The following NBEA variants were observed in gnomAD, a reference collection of about 807,000 sequenced individuals.
The protein encoded by NBEA is neurobeachin.
Under a neutral mutation model 343.4 loss-of-function variants are expected in NBEA, and 44 were observed. The observed-to-expected ratio is 0.13, with a 90% CI of 0.10 to 0.16. The LOEUF (loss-of-function observed/expected upper bound fraction) is 0.16, where lower values mean the gene tolerates loss of function less well. NBEA is among the 10% of genes least tolerant of loss of function. The pLI is 1.00. For missense variants in NBEA, 2,555 were observed against 3,631.3 expected (o/e 0.70, Z 7.62); for synonymous variants, 1,175 against 1,238.7 (o/e 0.95, Z 1.08).
In NBEA at chr13:35,037,779, T is replaced by C. The variant is rs113968276; in HGVS notation, c.295-3154T>C. On this transcript the variant is annotated intron_variant, in intron 1 of 58. Coordinates refer to ENST00000379939, the MANE Select transcript of NBEA (RefSeq NM_001385012.1). The stretch of plus-strand genomic sequence containing the variant: ...CCTATGACCACCACCACCATGGCTG[T>C]GCTGGGTCACACCTGAAGCAAGCAC... Among the ~76,000 whole-genome samples the C allele has an allele frequency of 5.1e-3, 773 of 152,294 alleles. 8 individuals carry two copies. The highest frequency in any genetic ancestry group is 0.018 in the African/African-American group (739 of 41,580).
intron 40 of NBEA, among the ~76,000 whole-genome samples, chr13:35,457,249 AT>A (rs543045880): frequency 2.0e-5 from 3 of 150,824 alleles, no homozygotes; most frequent in African/African-American, 4.9e-5. Flanking sequence ...TTGTGTTAGC[AT>A]TTTTTTTTGG....
chr13:35,204,400 G>C (rs2073233547), intron 31 of NBEA, among the ~76,000 whole-genome samples: 1 of 152,112 alleles, frequency 6.6e-6, no homozygotes, highest in Non-Finnish European at 1.5e-5. Flanking sequence ...TTCTTATATG[G>C]TGGTAGCAAG....
In NBEA at chr13:35,169,292, T is replaced by C. The variant is rs186716556; in HGVS notation, c.4242+297T>C. Among the ~76,000 whole-genome samples the C allele has an allele frequency of 4.0e-3, 614 of 151,656 alleles. 1 individual carries two copies. Among genetic ancestry groups the C allele is most frequent in the Non-Finnish European group, 7.3e-3 (494 of 67,552 alleles). ...TCTAAGGAAAGTAAATTGGATGAAA[T>C]ATATTATTTTAAGATTTAATAATTG... On this transcript the variant is annotated intron_variant, in intron 25 of 58. Transcript: ENST00000379939.
intron 1 of NBEA, among the ~76,000 whole-genome samples, chr13:35,034,201 T>C (rs574806272): frequency 9.9e-5 from 15 of 151,948 alleles, no homozygotes; most frequent in African/African-American, 3.6e-4. Flanking sequence ...TCCTTAGTTT[T>C]TTGAGAGTTT....
intron 38 of NBEA, among the ~76,000 whole-genome samples, chr13:35,408,891 A>G (rs1307493727): frequency 6.6e-6 from 1 of 151,866 alleles, no homozygotes; most frequent in Admixed American, 6.6e-5. Flanking sequence ...ACACTTGTAC[A>G]TTGTGGGAGT....
intron 33 of NBEA, among the ~76,000 whole-genome samples, chr13:35,213,747 A>G (rs1219640142): frequency 6.6e-6 from 1 of 151,840 alleles, no homozygotes; most frequent in Non-Finnish European, 1.5e-5. Context: ...CACTGAAACT[A>G]TTTGTTTATA....
At chr13:35,471,283 G>A (rs936933838) in intron 40 of NBEA, among the ~76,000 whole-genome samples, 3 of 152,148 alleles carry the variant, frequency 2.0e-5, no homozygotes, top group Non-Finnish European at 2.9e-5. Flanking sequence ...GGCCCGGCGG[G>A]GGCCGAGGGC....
chr13:34,950,109 C>A (rs1023146401), intron 1 of NBEA, among the ~76,000 whole-genome samples: 1 of 152,144 alleles, frequency 6.6e-6, no homozygotes, highest in Non-Finnish European at 1.5e-5. Context: ...TGGGGCTTCA[C>A]TGGACTTTAT....
intron 49 of NBEA, among the ~76,000 whole-genome samples, chr13:35,638,688 A>T (rs1206257694): frequency 6.6e-6 from 1 of 152,226 alleles, no homozygotes; most frequent in Admixed American, 6.5e-5. Context: ...TTGCTCAGCC[A>T]CAATCAGCTA....
chr13:35,193,698 A>G (rs546773252), intron 30 of NBEA, among the ~76,000 whole-genome samples: 8 of 152,040 alleles, frequency 5.3e-5, no homozygotes, highest in African/African-American at 1.9e-4. Context: ...TTTAATTTTT[A>G]ATCTTGGAAG....
chr13:35,438,629 G>A (rs1446021023), intron 39 of NBEA, among the ~76,000 whole-genome samples: 2 of 152,118 alleles, frequency 1.3e-5, no homozygotes, highest in African/African-American at 4.8e-5. Flanking sequence ...CTCCTTATTT[G>A]AAATGAAATA....
At chr13:35,358,295 GT>G (rs1168135667) in intron 38 of NBEA, among the ~76,000 whole-genome samples, 2 of 151,732 alleles carry the variant, frequency 1.3e-5, no homozygotes, top group Non-Finnish European at 2.9e-5. Context: ...CAGTACTGGG[GT>G]TATAGGAGTG....
intron 38 of NBEA, among the ~76,000 whole-genome samples, chr13:35,359,231 C>T (rs2040670948): frequency 6.6e-6 from 1 of 152,156 alleles, no homozygotes; most frequent in South Asian, 2.1e-4. Flanking sequence ...TTATTTATAG[C>T]TGAGTTCAAA....
At chr13:35,425,589 G>A (rs1264931879) in intron 38 of NBEA, among the ~76,000 whole-genome samples, 2 of 152,188 alleles carry the variant, frequency 1.3e-5, no homozygotes, top group Non-Finnish European at 2.9e-5. Context: ...TTTTGGAATA[G>A]GTGTGGTGTG....
intron 1 of NBEA, among the ~76,000 whole-genome samples, chr13:34,999,412 C>T (rs75138552): frequency 1.3e-5 from 2 of 152,066 alleles, no homozygotes; most frequent in Non-Finnish European, 2.9e-5. Flanking sequence ...TACCTGAAAT[C>T]TAAGTGCTTT....
intron 38 of NBEA, among the ~76,000 whole-genome samples, chr13:35,386,284 A>G (rs1457880047): frequency 6.6e-6 from 1 of 152,138 alleles, no homozygotes; most frequent in Non-Finnish European, 1.5e-5. Context: ...ACTCTCCAGT[A>G]CATTATGGAT....
chr13:35,250,089 G>T (rs1295544927), intron 34 of NBEA, among the ~76,000 whole-genome samples: 2 of 152,138 alleles, frequency 1.3e-5, no homozygotes, highest in Non-Finnish European at 2.9e-5. Flanking sequence ...GGAAATAGGA[G>T]TTGTTTAATG....
chr13:35,389,970 A>AGT (rs10523765), intron 38 of NBEA, among the ~76,000 whole-genome samples: 16,650 of 137,930 alleles, frequency 0.12, 1,135 homozygotes, highest in African/African-American at 0.19. Flanking sequence ...TCTTTTGTAG[A>AGT]GTGTGTGTGT....
intron 1 of NBEA, among the ~76,000 whole-genome samples, chr13:34,989,284 A>G (rs2060665042): frequency 6.6e-6 from 1 of 151,040 alleles, no homozygotes; most frequent in Non-Finnish European, 1.5e-5. Context: ...TAAATGTATT[A>G]GTCTGTTCTC....
Sources: allele counts gnomAD v4.1 joint callset (sites outside exome capture counted in the v4.1 genomes callset), GRCh38; gene constraint gnomAD v4.1.1; transcripts MANE v1.5; gene names NCBI Gene and HGNC (gene_info 2026-07-23, HGNC 2026-07-21).